DPP10: variants seen among roughly 807,000 people sequenced by gnomAD.
DPP10 encodes the protein dipeptidyl peptidase like 10, also known as inactive dipeptidyl peptidase 10.
DPP10 carries 33 observed loss-of-function variants against 120.9 expected under a neutral mutation model. The observed-to-expected ratio is 0.27, with a 90% CI of 0.21 to 0.37. The LOEUF is 0.37. DPP10 is among the 10% of genes least tolerant of loss of function. DPP10 has a pLI of 1.00. For synonymous variants in DPP10, 337 were observed against 326.1 expected, an observed-to-expected ratio of 1.03 and a Z score of -0.36; for missense variants, 816 against 942.8, an observed-to-expected ratio of 0.87 and a Z score of 1.76.
At chr2:114,510,174 A>C (rs950716231) in intron 1 of DPP10, among the ~76,000 whole-genome samples, 1 of 152,258 alleles carries the variant, frequency 6.6e-6, no homozygotes, top group African/African-American at 2.4e-5. Flanking sequence ...TGAGTGCAGC[A>C]TAAGTTTTAG....
intron 1 of DPP10, among the ~76,000 whole-genome samples, chr2:115,296,262 G>C (rs573070259): frequency 2.0e-5 from 3 of 151,992 alleles, no homozygotes; most frequent in Non-Finnish European, 4.4e-5. Context: ...CCAGATGCTC[G>C]GCGGCCTCTA....
intron 1 of DPP10, among the ~76,000 whole-genome samples, chr2:115,293,027 A>C (rs1039864670): frequency 1.3e-5 from 2 of 152,094 alleles, no homozygotes; most frequent in African/African-American, 2.4e-5. Context: ...GGTTTGGGGC[A>C]CAGAAACTTT....
chr2:115,156,159 G>A (rs549462063), intron 1 of DPP10, among the ~76,000 whole-genome samples: 2 of 152,290 alleles, frequency 1.3e-5, no homozygotes, highest in South Asian at 2.1e-4. Flanking sequence ...TGAAAGATGT[G>A]TTTTAATGTG....
At chr2:114,814,880 G>T (rs1033331006) in intron 1 of DPP10, among the ~76,000 whole-genome samples, 2 of 152,150 alleles carry the variant, frequency 1.3e-5, no homozygotes, top group South Asian at 4.1e-4. Flanking sequence ...TGAAGATTAA[G>T]GTAGAACCAA....
chr2:115,498,862 A>T (rs931204194), intron 3 of DPP10, among the ~76,000 whole-genome samples: 3 of 151,984 alleles, frequency 2.0e-5, no homozygotes, highest in Admixed American at 6.6e-5. Flanking sequence ...AAAAGCAATT[A>T]TCTGAAAGAA....
At chr2:114,968,864 A>T (rs556120572) in intron 1 of DPP10, among the ~76,000 whole-genome samples, 4 of 152,188 alleles carry the variant, frequency 2.6e-5, no homozygotes, top group Non-Finnish European at 5.9e-5. Context: ...TTTGCCTATT[A>T]CTTTGTCAAG....
chr2:115,746,954 G>C (rs963187226), intron 10 of DPP10, among the ~76,000 whole-genome samples: 4 of 152,066 alleles, frequency 2.6e-5, no homozygotes. Flanking sequence ...CGATAATCAG[G>C]GTGATTGGTT....
At chr2:115,785,599 G>A (rs539195330) in intron 17 of DPP10, among the ~76,000 whole-genome samples, 1 of 152,054 alleles carries the variant, frequency 6.6e-6, no homozygotes, top group African/African-American at 2.4e-5. Flanking sequence ...TCAACTTCTT[G>A]TACGTTTTTT....
chr2:115,364,897 A>G (rs936294444), intron 3 of DPP10, among the ~76,000 whole-genome samples: 2 of 152,144 alleles, frequency 1.3e-5, no homozygotes, highest in Non-Finnish European at 2.9e-5. Context: ...TAGATGAAAT[A>G]TAAGTAGTAG....
intron 1 of DPP10, among the ~76,000 whole-genome samples, chr2:115,123,847 C>CT (rs1435093177): frequency 4.6e-5 from 7 of 152,032 alleles, no homozygotes; most frequent in Non-Finnish European, 1.0e-4. Context: ...CAAAAGAAGC[C>CT]TGCTGAACAG....
chr2:115,607,919 A>G (rs1361438273), intron 5 of DPP10, among the ~76,000 whole-genome samples: 2 of 152,200 alleles, frequency 1.3e-5, no homozygotes, highest in East Asian at 3.8e-4. Flanking sequence ...ATTTTAGAAT[A>G]CTTAGAATAT....
chr2:114,800,314 AAACTT>A (rs1377104588), intron 1 of DPP10, among the ~76,000 whole-genome samples: 1 of 152,258 alleles, frequency 6.6e-6, no homozygotes, highest in Admixed American at 6.5e-5. Context: ...GAGGAAAAGA[AAACTT>A]AATTAACTAC....
At chr2:114,695,220 G>A (rs572503247) in intron 1 of DPP10, among the ~76,000 whole-genome samples, 9 of 152,150 alleles carry the variant, frequency 5.9e-5, no homozygotes, top group African/African-American at 1.7e-4. Flanking sequence ...TGGAGATGTA[G>A]TGAAATGGGC....
chr2:115,015,381 C>T (rs1702560817), intron 1 of DPP10, among the ~76,000 whole-genome samples: 1 of 152,092 alleles, frequency 6.6e-6, no homozygotes, highest in Admixed American at 6.5e-5. Flanking sequence ...ATGACAAACC[C>T]ACAGCCTATA....
chr2:115,620,055 T>G (rs901161228), intron 5 of DPP10, among the ~76,000 whole-genome samples: 4 of 152,228 alleles, frequency 2.6e-5, no homozygotes, highest in African/African-American at 9.6e-5. Context: ...CTATACTGAT[T>G]GGCATTGCTC....
At chr2:115,729,586 C>T (rs956121626) in intron 8 of DPP10, among the ~76,000 whole-genome samples, 3 of 152,086 alleles carry the variant, frequency 2.0e-5, no homozygotes, top group African/African-American at 7.2e-5. Flanking sequence ...GACAAAATAG[C>T]AAGGTTTTCA....
chr2:114,624,299 T>G (rs1694321121), intron 1 of DPP10, among the ~76,000 whole-genome samples: 1 of 151,962 alleles, frequency 6.6e-6, no homozygotes, highest in Non-Finnish European at 1.5e-5. Context: ...CTTGATATGT[T>G]CAGGAAGTGA....
chr2:114,996,980 CAA>C (rs34287029), intron 1 of DPP10, among the ~76,000 whole-genome samples: 20 of 66,448 alleles, frequency 3.0e-4, no homozygotes, highest in South Asian at 5.9e-4. Flanking sequence ...GACTCCATCT[CAA>C]AAAAAAAAAA....
rs1279741073 is a variant in DPP10 at position 115,348,294 on chromosome 2, TAG to T, written c.271+4385_271+4386del. ...TGGTAACTTATACAGTCACTAAAACTAGAGTTTATACACATGTTTATTGACTT... is the reference window on the plus strand; with the variant it reads ...TGGTAACTTATACAGTCACTAAAACTAGTTTATACACATGTTTATTGACTT... On this transcript the variant is annotated intron_variant, in intron 3 of 25. Transcript: ENST00000410059. Among the ~76,000 whole-genome samples, 10 of 152,242 alleles carry T rather than the reference TAG, an allele frequency of 6.6e-5. No individual in the cohort carries two copies. In the East Asian group the frequency reaches 1.9e-3, roughly 29 times the overall value.
Sources: allele counts gnomAD v4.1 joint callset (sites outside exome capture counted in the v4.1 genomes callset), GRCh38; gene constraint gnomAD v4.1.1; transcripts MANE v1.5; gene names NCBI Gene and HGNC (gene_info 2026-07-23, HGNC 2026-07-21).